The following LHFPL3 variants were observed in gnomAD, a reference collection of about 807,000 sequenced individuals.
The protein encoded by LHFPL3 is LHFPL tetraspan subfamily member 3.
In LHFPL3, 5 loss-of-function variants were observed where a neutral mutation model predicts 19.3. That is an observed-to-expected ratio of 0.26 (90% CI 0.14 to 0.54). The LOEUF is 0.54. Among genes scored for constraint, LHFPL3 ranks in the 20% least tolerant of loss-of-function variants. The pLI is 0.94. For synonymous variants in LHFPL3, 133 were observed against 126.2 expected, an observed-to-expected ratio of 1.05 and a Z score of -0.36; for missense variants, 249 against 307.4, an observed-to-expected ratio of 0.81 and a Z score of 1.42.
chr7:104,792,454 T>C (rs1790040865), intron 2 of LHFPL3, among the ~76,000 whole-genome samples: 1 of 152,224 alleles, frequency 6.6e-6, no homozygotes, highest in South Asian at 2.1e-4. Context: ...CTTATTTTAG[T>C]TCACCTTGAC....
intron 1 of LHFPL3, among the ~76,000 whole-genome samples, chr7:104,472,620 CA>C (rs1269624323): frequency 6.6e-6 from 1 of 152,104 alleles, no homozygotes; most frequent in Admixed American, 6.5e-5. Flanking sequence ...TATAATTAAT[CA>C]AAATGTTATC....
chr7:104,738,128 A>G (rs1793864223), intron 2 of LHFPL3, among the ~76,000 whole-genome samples: 1 of 152,208 alleles, frequency 6.6e-6, no homozygotes, highest in Non-Finnish European at 1.5e-5. Context: ...TCTTAGTTCT[A>G]TCAAAAATAT....
intron 1 of LHFPL3, among the ~76,000 whole-genome samples, chr7:104,669,942 T>A (rs1386692540): frequency 2.6e-5 from 4 of 151,852 alleles, no homozygotes; most frequent in African/African-American, 7.3e-5. Flanking sequence ...GGGAGGGAGG[T>A]AGAAGGAAAA....
At chr7:104,682,053 A>C (rs1162798599) in intron 1 of LHFPL3, among the ~76,000 whole-genome samples, 1 of 152,238 alleles carries the variant, frequency 6.6e-6, no homozygotes, top group African/African-American at 2.4e-5. Flanking sequence ...AATACTTACA[A>C]AAAAAGCCTT....
chr7:104,534,186 G>C (rs977554474), intron 1 of LHFPL3, among the ~76,000 whole-genome samples: 1 of 152,060 alleles, frequency 6.6e-6, no homozygotes, highest in East Asian at 1.9e-4. Context: ...CACAGTGTGG[G>C]TCTTTCCTTT....
chr7:104,525,103 G>T (rs2115825082), intron 1 of LHFPL3, among the ~76,000 whole-genome samples: 1 of 152,280 alleles, frequency 6.6e-6, no homozygotes, highest in African/African-American at 2.4e-5. Flanking sequence ...GGGTGTGTTT[G>T]TTTCCCACTC....
chr7:104,776,681 C>A (rs1300680556), intron 2 of LHFPL3, among the ~76,000 whole-genome samples: 1 of 152,216 alleles, frequency 6.6e-6, no homozygotes, highest in East Asian at 1.9e-4. Context: ...AGGTGCCATT[C>A]TAATGCCCAA....
chr7:104,810,658 G>A (rs879358295), intron 2 of LHFPL3, among the ~76,000 whole-genome samples: 1 of 152,150 alleles, frequency 6.6e-6, no homozygotes, highest in Admixed American at 6.5e-5. Context: ...ACAGGCACAT[G>A]TTCAGAAATA....
chr7:104,721,534 A>T (rs1793492805), intron 1 of LHFPL3, among the ~76,000 whole-genome samples: 1 of 145,828 alleles, frequency 6.9e-6, no homozygotes. Context: ...AACTTAAAGT[A>T]TAATTAAAAA....
At position 104,820,274 on chromosome 7, in the gene LHFPL3, G is replaced by C. The variant is rs112055913; in HGVS notation, c.682+83363G>C. 1.2e-3 allele frequency among the ~76,000 whole-genome samples: 187 copies of C among 152,320 alleles called. 2 individuals are homozygous for C. The highest frequency in any genetic ancestry group is 4.4e-3 in the African/African-American group (184 of 41,576). ...AAGCAAATGAATGAAAGGGTGAGCA[G>C]AGTGCTAATAAAGTACCATGGCTCC... is the stretch of plus-strand genomic sequence containing the variant. On this transcript the variant is annotated intron_variant, in intron 2 of 2. Transcript: ENST00000424859.
At chr7:104,594,101 C>A (rs772343393) in intron 1 of LHFPL3, among the ~76,000 whole-genome samples, 1 of 151,994 alleles carries the variant, frequency 6.6e-6, no homozygotes, top group African/African-American at 2.4e-5. Context: ...GTTATTTTGC[C>A]CATTAATTGA....
intron 1 of LHFPL3, among the ~76,000 whole-genome samples, chr7:104,396,880 G>A (rs1791200020): frequency 1.3e-5 from 2 of 152,144 alleles, no homozygotes; most frequent in Admixed American, 6.5e-5. Flanking sequence ...TGAGGCTGGT[G>A]GATCACTTGA....
At chr7:104,433,935 A>T (rs947913946) in intron 1 of LHFPL3, among the ~76,000 whole-genome samples, 3 of 152,238 alleles carry the variant, frequency 2.0e-5, no homozygotes, top group African/African-American at 7.2e-5. Flanking sequence ...ATGGATAAAA[A>T]TACATGCATA....
chr7:104,848,903 T>G (rs1214536344), intron 2 of LHFPL3, among the ~76,000 whole-genome samples: 2 of 150,250 alleles, frequency 1.3e-5, no homozygotes, highest in African/African-American at 5.0e-5. Context: ...TTTTTTGGTT[T>G]TTTTTTTGTT....
chr7:104,480,509 G>C (rs2115654848), intron 1 of LHFPL3, among the ~76,000 whole-genome samples: 1 of 152,174 alleles, frequency 6.6e-6, no homozygotes, highest in East Asian at 1.9e-4. Flanking sequence ...AAATTGGTGT[G>C]GAATATTCTC....
intron 1 of LHFPL3, among the ~76,000 whole-genome samples, chr7:104,575,221 T>G (rs760499836): frequency 1.3e-5 from 2 of 152,208 alleles, no homozygotes; most frequent in Non-Finnish European, 1.5e-5. Flanking sequence ...AATTAACCAC[T>G]GAACCAGAGC....
At chr7:104,808,669 A>G (rs1419709649) in intron 2 of LHFPL3, among the ~76,000 whole-genome samples, 2 of 152,246 alleles carry the variant, frequency 1.3e-5, no homozygotes, top group Non-Finnish European at 2.9e-5. Context: ...CCGTTCTATT[A>G]GTGTGTGATT....
chr7:104,350,843 C>T (rs1790159446), intron 1 of LHFPL3, among the ~76,000 whole-genome samples: 1 of 152,062 alleles, frequency 6.6e-6, no homozygotes, highest in African/African-American at 2.4e-5. Context: ...AATTCGAGAC[C>T]AGCCTGGCCA....
intron 1 of LHFPL3, among the ~76,000 whole-genome samples, chr7:104,512,564 C>T (rs1465951923): frequency 6.6e-6 from 1 of 151,968 alleles, no homozygotes; most frequent in Admixed American, 6.6e-5. Context: ...GGTGAAACCC[C>T]GTCTCTACTA....
Sources: allele counts gnomAD v4.1 joint callset (sites outside exome capture counted in the v4.1 genomes callset), GRCh38; gene constraint gnomAD v4.1.1; transcripts MANE v1.5; gene names NCBI Gene and HGNC (gene_info 2026-07-23, HGNC 2026-07-21).